Variants in VAMP7 observed in about 807,000 individuals in gnomAD.
The protein encoded by VAMP7 is vesicle-associated membrane protein 7.
A neutral mutation model predicts 29.6 loss-of-function variants in VAMP7; 14 were observed. The observed-to-expected ratio is 0.47, with a 90% CI of 0.31 to 0.74. The LOEUF (loss-of-function observed/expected upper bound fraction) is 0.74, where lower values mean the gene tolerates loss of function less well. VAMP7 is among the 30% of genes least tolerant of loss of function. The pLI is 0.05. For synonymous variants in VAMP7, 95 were observed against 88.1 expected (o/e 1.08, Z -0.44); for missense variants, 223 against 262.4 (o/e 0.85, Z 1.04).
At chrX:155,935,012 A>C (rs1424689080) in intron 6 of VAMP7, among the ~76,000 whole-genome samples, 2 of 152,144 alleles carry the variant, frequency 1.3e-5, no homozygotes, top group Non-Finnish European at 2.9e-5. Context: ...TTTCTTTAAG[A>C]ATTTTGGATA....
chrX:155,941,871 T>G lies in VAMP7; in HGVS notation c.595-12T>G. 1 of 1,612,200 alleles carries G rather than the reference T, an allele frequency of 6.2e-7. No homozygotes were observed. Among genetic ancestry groups the G allele is most frequent in the Non-Finnish European group, 8.5e-7 (1 of 1,178,880 alleles). ...ATTCAAGAAAATAAAATTGCTCTCCTCGTCCCTCCAGGTGTTCATCTATAT... is the reference window on the plus strand; with the variant it reads ...ATTCAAGAAAATAAAATTGCTCTCCGCGTCCCTCCAGGTGTTCATCTATAT... On this transcript the variant is annotated splice_polypyrimidine_tract_variant and intron_variant, in intron 7 of 7. Transcript: ENST00000286448.
At chrX:155,919,060 A>T (rs2066356797) in intron 5 of VAMP7, among the ~76,000 whole-genome samples, 1 of 152,042 alleles carries the variant, frequency 6.6e-6, no homozygotes, top group South Asian at 2.1e-4. Context: ...TTGAGTCCTT[A>T]TCAGGTTTTG....
chrX:155,906,406 G>T (rs1363330446), intron 5 of VAMP7, among the ~76,000 whole-genome samples: 11 of 152,228 alleles, frequency 7.2e-5, no homozygotes, highest in Admixed American at 3.3e-4. Flanking sequence ...ACTGGTCTTG[G>T]TTGTGTTAGG....
At chrX:155,940,259 G>T (rs1318235935) in intron 7 of VAMP7, among the ~76,000 whole-genome samples, 1 of 152,044 alleles carries the variant, frequency 6.6e-6, no homozygotes, top group African/African-American at 2.4e-5. Flanking sequence ...GCTAACAGGT[G>T]GGGGGTGCTT....
At chrX:155,882,872 C>T (rs1047372692) in intron 1 of VAMP7, among the ~76,000 whole-genome samples, 1 of 152,144 alleles carries the variant, frequency 6.6e-6, no homozygotes, top group Admixed American at 6.5e-5. Flanking sequence ...ACACTTTGAC[C>T]TCTCTTCCAA....
intron 2 of VAMP7, among the ~76,000 whole-genome samples, chrX:155,892,882 A>T (rs889168547): frequency 6.6e-6 from 1 of 151,778 alleles, no homozygotes; most frequent in African/African-American, 2.4e-5. Context: ...CCTCCCGAGT[A>T]ACTGGGATGA....
intron 5 of VAMP7, among the ~76,000 whole-genome samples, chrX:155,914,084 G>A (rs1391047555): frequency 1.3e-5 from 2 of 152,056 alleles, no homozygotes; most frequent in African/African-American, 4.8e-5. Flanking sequence ...CACATCCCCT[G>A]TAAGTTGTAT....
intron 3 of VAMP7, among the ~76,000 whole-genome samples, chrX:155,896,699 C>T (rs1470881332): frequency 1.3e-5 from 2 of 152,070 alleles, no homozygotes; most frequent in Non-Finnish European, 2.9e-5. Flanking sequence ...GCCCTCCCCT[C>T]CCCCTGCTTT....
intron 6 of VAMP7, among the ~76,000 whole-genome samples, chrX:155,930,666 T>A (rs1053475241): frequency 7.3e-5 from 11 of 150,456 alleles, no homozygotes; most frequent in Non-Finnish European, 1.6e-4. Flanking sequence ...AAAAAAAAAT[T>A]TTTTTTCTTT....
intron 6 of VAMP7, among the ~76,000 whole-genome samples, chrX:155,922,130 G>A (rs2066405043): frequency 6.6e-6 from 1 of 151,866 alleles, no homozygotes; most frequent in South Asian, 2.1e-4. Context: ...AATAAAGTTG[G>A]TTATTGTATA....
chrX:155,901,226 C>T (rs2066057199), intron 5 of VAMP7, among the ~76,000 whole-genome samples: 2 of 152,052 alleles, frequency 1.3e-5, no homozygotes, highest in South Asian at 4.2e-4. Context: ...TCAAAATGCG[C>T]AAACGTTTTC....
intron 6 of VAMP7, among the ~76,000 whole-genome samples, chrX:155,924,256 A>G (rs2066437695): frequency 6.6e-6 from 1 of 152,180 alleles, no homozygotes. Context: ...AGTGGAATTT[A>G]GTATATTACA....
chrX:155,941,529 C>G (rs759526064), intron 7 of VAMP7, among the ~76,000 whole-genome samples: 1 of 152,186 alleles, frequency 6.6e-6, no homozygotes, highest in Non-Finnish European at 1.5e-5. Context: ...AACCATACTT[C>G]AGGAGAATTA....
intron 7 of VAMP7, 107 bp from the exon 8 acceptor site, chrX:155,941,776 T>C: frequency 7.9e-7 from 1 of 1,271,936 alleles, no homozygotes; most frequent in East Asian, 2.5e-5. Flanking sequence ...ACTGCTACTC[T>C]AATGGAATCA....
intron 5 of VAMP7, among the ~76,000 whole-genome samples, chrX:155,914,159 G>T (rs777449428): frequency 2.3e-4 from 35 of 152,040 alleles, no homozygotes; most frequent in African/African-American, 8.5e-4. Flanking sequence ...TTGGCTCTCT[G>T]TTTGTCTTTT....
intron 5 of VAMP7, among the ~76,000 whole-genome samples, chrX:155,904,889 T>C (rs1157626404): frequency 8.1e-6 from 1 of 123,522 alleles, no homozygotes; most frequent in African/African-American, 3.3e-5. Flanking sequence ...TGTGTGAGCA[T>C]ATATATATAT....
At chrX:155,909,882 G>T (rs1218180763) in intron 5 of VAMP7, among the ~76,000 whole-genome samples, 1 of 152,102 alleles carries the variant, frequency 6.6e-6, no homozygotes, top group Non-Finnish European at 1.5e-5. Flanking sequence ...CAAAGACTGT[G>T]TAATGATCAA....
intron 5 of VAMP7, among the ~76,000 whole-genome samples, chrX:155,903,928 C>G (rs2066107546): frequency 6.6e-6 from 1 of 151,970 alleles, no homozygotes; most frequent in Admixed American, 6.6e-5. Flanking sequence ...CGGCAGTATT[C>G]ACAATAGCAA....
At chrX:155,890,859 C>G (rs1306949468) in intron 2 of VAMP7, among the ~76,000 whole-genome samples, 1 of 152,106 alleles carries the variant, frequency 6.6e-6, no homozygotes, top group Non-Finnish European at 1.5e-5. Context: ...ATGGCTAACC[C>G]CTTATACAGT....
Sources: gnomAD v4.1 joint callset for allele counts (sites outside exome capture counted in the v4.1 genomes callset) on GRCh38, gnomAD v4.1.1 for gene constraint, MANE v1.5 for transcripts, NCBI Gene and HGNC (gene_info 2026-07-23, HGNC 2026-07-21) for gene names.